The following RAVER2 variants were observed in gnomAD, a reference collection of about 807,000 sequenced individuals.
RAVER2 encodes the protein ribonucleoprotein, PTB binding 2.
Under a neutral mutation model 78.1 loss-of-function variants are expected in RAVER2, and 46 were observed. The ratio of observed to expected loss-of-function variants is 0.59; its 90% CI spans 0.46 to 0.75. RAVER2 has a LOEUF of 0.75. Among genes scored for constraint, RAVER2 ranks in the 30% least tolerant of loss-of-function variants. RAVER2 has a pLI of 0.00. For synonymous variants in RAVER2, 311 were observed against 313.3 expected, an observed-to-expected ratio of 0.99 and a Z score of 0.08; for missense variants, 793 against 837.5, an observed-to-expected ratio of 0.95 and a Z score of 0.66.
intron 4 of RAVER2, among the ~76,000 whole-genome samples, chr1:64,782,582 C>T (rs1049722209): frequency 1.3e-5 from 2 of 152,040 alleles, no homozygotes; most frequent in South Asian, 2.1e-4. Flanking sequence ...ATTGTTTATC[C>T]GAACTTAAAA....
At chr1:64,762,493 A>G (rs1652049949) in intron 1 of RAVER2, among the ~76,000 whole-genome samples, 1 of 152,062 alleles carries the variant, frequency 6.6e-6, no homozygotes, top group Non-Finnish European at 1.5e-5. Flanking sequence ...GAAGACTTAC[A>G]CTACCAGATT....
At chr1:64,819,850 C>T (rs946355177) in intron 11 of RAVER2, among the ~76,000 whole-genome samples, 13 of 152,116 alleles carry the variant, frequency 8.5e-5, no homozygotes, top group African/African-American at 2.2e-4. Context: ...CTTTGATTGT[C>T]GGAGATTTGG....
chr1:64,774,786 T>C (rs545680869), intron 2 of RAVER2, among the ~76,000 whole-genome samples: 1 of 152,230 alleles, frequency 6.6e-6, no homozygotes, highest in African/African-American at 2.4e-5. Flanking sequence ...ATTTTTACGA[T>C]ATTGATTCTT....
chr1:64,750,599 T>A (rs1372017427), intron 1 of RAVER2, among the ~76,000 whole-genome samples: 1 of 152,208 alleles, frequency 6.6e-6, no homozygotes, highest in Non-Finnish European at 1.5e-5. Context: ...CTTACATATT[T>A]TATGTCCTTT....
At position 64,830,886 on chromosome 1, in the gene RAVER2, T is replaced by C. The variant is rs768535181; in HGVS notation, c.1977T>C (p.Ser659=). 1.5e-5 allele frequency: 25 copies of C among 1,612,940 alleles called. No homozygotes were observed. In the South Asian group the frequency reaches 2.4e-4, roughly 16 times the overall value. Residue 659 remains serine, a synonymous_variant, in exon 12 of 12, where the codon TCT becomes TCC. Coordinates refer to ENST00000294428, the Ensembl canonical transcript of RAVER2. ...AGCGAGGCTCATCATATCTCATCTCTGCCCCAGAAGGTGGTTCAGTGGAAT... is the reference window on the plus strand; with the variant it reads ...AGCGAGGCTCATCATATCTCATCTCCGCCCCAGAAGGTGGTTCAGTGGAAT...
chr1:64,807,230 CA>C lies in RAVER2; in HGVS notation c.1438del (p.Thr480ArgfsTer2), dbSNP rs1401726596. 1 of 1,613,770 alleles carries C rather than the reference CA, an allele frequency of 6.2e-7. No individual in the cohort carries two copies. Among genetic ancestry groups the C allele is most frequent in the African/African-American group, 1.3e-5 (1 of 74,914 alleles). ...GCATCTAGCCTGATTCCAACTCAAACAACGATAACAGCTGGAATGGGCATGT... is the reference window on the plus strand; with the variant it reads ...GCATCTAGCCTGATTCCAACTCAAACACGATAACAGCTGGAATGGGCATGT... On this transcript the variant is annotated frameshift_variant, in exon 9 of 12. Coordinates refer to ENST00000294428, the Ensembl canonical transcript of RAVER2. LOFTEE classifies it high-confidence loss of function.
chr1:64,781,852 C>T (rs559265165), intron 4 of RAVER2, among the ~76,000 whole-genome samples: 1 of 152,148 alleles, frequency 6.6e-6, no homozygotes, highest in South Asian at 2.1e-4. Context: ...ATATTGAGTT[C>T]CTCTTGTGTT....
At chr1:64,787,833 C>T (rs1652824825) in intron 4 of RAVER2, among the ~76,000 whole-genome samples, 1 of 152,182 alleles carries the variant, frequency 6.6e-6, no homozygotes, top group South Asian at 2.1e-4. Flanking sequence ...GACCCATGCA[C>T]TCTCATGCTC....
chr1:64,763,882 G>A (rs1388264919), intron 1 of RAVER2, among the ~76,000 whole-genome samples: 2 of 148,676 alleles, frequency 1.3e-5, no homozygotes, highest in Non-Finnish European at 3.0e-5. Flanking sequence ...CAGCCTGGAC[G>A]ACAAGAGTGA....
At chr1:64,785,532 C>A (rs1652755428) in intron 4 of RAVER2, among the ~76,000 whole-genome samples, 1 of 152,014 alleles carries the variant, frequency 6.6e-6, no homozygotes, top group Non-Finnish European at 1.5e-5. Context: ...CCACGTCCAG[C>A]TAATTTTTGT....
intron 1 of RAVER2, among the ~76,000 whole-genome samples, chr1:64,761,353 G>A (rs1379728994): frequency 6.6e-6 from 1 of 152,194 alleles, no homozygotes; most frequent in Non-Finnish European, 1.5e-5. Context: ...ATTGTCTGGT[G>A]TGGGACATCC....
intron 10 of RAVER2, among the ~76,000 whole-genome samples, chr1:64,813,087 C>T (rs9633416): frequency 0.047 from 7,183 of 152,168 alleles, 399 homozygotes; most frequent in East Asian, 0.27. Context: ...AAGTTTAAAC[C>T]TATAAGTAAT....
intron 10 of RAVER2, 80 bp downstream of exon 10, chr1:64,812,929 C>T (rs531900823): frequency 1.9e-6 from 2 of 1,056,180 alleles, no homozygotes; most frequent in Non-Finnish European, 2.7e-6. Flanking sequence ...TTTTTGACTT[C>T]ATGGAAGCAA....
At chr1:64,828,066 T>C (rs148054842) in intron 11 of RAVER2, among the ~76,000 whole-genome samples, 1 of 152,216 alleles carries the variant, frequency 6.6e-6, no homozygotes, top group African/African-American at 2.4e-5. Context: ...GGTCACCACC[T>C]ATCTCCTCAT....
chr1:64,829,039 TCAGTG>T (rs1654063800), intron 11 of RAVER2, among the ~76,000 whole-genome samples: 1 of 152,224 alleles, frequency 6.6e-6, no homozygotes, highest in Admixed American at 6.5e-5. Flanking sequence ...CCTGTGCTGC[TCAGTG>T]AAGTTTTTTG....
intron 1 of RAVER2, among the ~76,000 whole-genome samples, chr1:64,746,627 C>T (rs951505708): frequency 1.3e-5 from 2 of 152,142 alleles, no homozygotes; most frequent in African/African-American, 4.8e-5. Flanking sequence ...CCTTATAACC[C>T]GTAGGCATGG....
At chr1:64,746,469 G>A (rs892287901) in intron 1 of RAVER2, among the ~76,000 whole-genome samples, 8 of 152,182 alleles carry the variant, frequency 5.3e-5, no homozygotes, top group African/African-American at 1.9e-4. Flanking sequence ...AGTTCCTCCT[G>A]TAACCGGATG....
intron 5 of RAVER2, among the ~76,000 whole-genome samples, chr1:64,792,755 T>C (rs772128944): frequency 6.6e-6 from 1 of 152,240 alleles, no homozygotes; most frequent in East Asian, 1.9e-4. Flanking sequence ...GGAAAGTTTC[T>C]TGATGTTGAG....
At chr1:64,818,736 C>T (rs75084496) in intron 11 of RAVER2, among the ~76,000 whole-genome samples, 21,975 of 152,034 alleles carry the variant, frequency 0.14, 1,687 homozygotes, top group East Asian at 0.31. Flanking sequence ...GTCTCACTAG[C>T]TTGAGGAGTC....
Sources: gnomAD v4.1 joint callset for allele counts (sites outside exome capture counted in the v4.1 genomes callset) on GRCh38, gnomAD v4.1.1 for gene constraint, MANE v1.5 for transcripts, NCBI Gene and HGNC (gene_info 2026-07-23, HGNC 2026-07-21) for gene names.